The following CLINT1 variants were observed in gnomAD, a reference collection of about 807,000 sequenced individuals.
The protein encoded by CLINT1 is clathrin interacting protein localized in the trans-Golgi region.
CLINT1 carries 15 observed loss-of-function variants against 70.4 expected under a neutral mutation model. The observed-to-expected ratio is 0.21, with a 90% confidence interval of 0.14 to 0.33. The LOEUF (loss-of-function observed/expected upper bound fraction) is 0.33, where lower values mean the gene tolerates loss of function less well. Among genes scored for constraint, CLINT1 ranks in the 10% least tolerant of loss-of-function variants. The pLI is 1.00. For missense variants in CLINT1, 615 were observed against 778.1 expected (o/e 0.79, Z 2.49); for synonymous variants, 227 against 254.7 (o/e 0.89, Z 1.04).
At chr5:157,818,972 G>T (rs1007124091) in intron 1 of CLINT1, among the ~76,000 whole-genome samples, 4 of 152,088 alleles carry the variant, frequency 2.6e-5, no homozygotes, top group African/African-American at 9.7e-5. Context: ...TTAAGTCTTA[G>T]AAATAGTGAA....
At chr5:157,839,771 A>G (rs1437316405) in intron 1 of CLINT1, among the ~76,000 whole-genome samples, 1 of 138,170 alleles carries the variant, frequency 7.2e-6, no homozygotes, top group Non-Finnish European at 1.6e-5. Flanking sequence ...ATCTATACAT[A>G]TAATCAACTG....
Position 157,813,045 on chromosome 5 carries a change from C to T in CLINT1, c.517+18G>A. Reference sequence around the variant, plus strand: ...AGCTAAGCTGATGCTTAGGTGTCAGCTTGTCTTTGATACTCACTGTATCTG... The same window carrying T: ...AGCTAAGCTGATGCTTAGGTGTCAGTTTGTCTTTGATACTCACTGTATCTG... On this transcript the variant is annotated intron_variant, in intron 5 of 11. Transcript: ENST00000411809. 1 of 1,608,146 alleles carries T rather than the reference C, an allele frequency of 6.2e-7. No individual in the cohort carries two copies.
At chr5:157,812,812 T>C (rs1762603859) in intron 5 of CLINT1, among the ~76,000 whole-genome samples, 1 of 152,346 alleles carries the variant, frequency 6.6e-6, no homozygotes, top group South Asian at 2.1e-4. Flanking sequence ...TTAATCTCTG[T>C]ATGACACCTC....
chr5:157,813,321 A>G (rs1040368512), intron 4 of CLINT1, 94 bp from the exon 5 acceptor site: 2 of 1,130,064 alleles, frequency 1.8e-6, no homozygotes, highest in South Asian at 1.9e-5. Flanking sequence ...AAACTTCAAC[A>G]TAAGAAACTT....
At chr5:157,851,992 A>G (rs1211496598) in intron 1 of CLINT1, among the ~76,000 whole-genome samples, 5 of 152,334 alleles carry the variant, frequency 3.3e-5, no homozygotes, top group African/African-American at 9.6e-5. Context: ...CTTTCCTTGT[A>G]TATACTGTTT....
chr5:157,826,879 TATAA>T lies in CLINT1; in HGVS notation c.42-9336_42-9333del, dbSNP rs546122461. Among the ~76,000 whole-genome samples the T allele has an allele frequency of 1.3e-4, 20 of 152,320 alleles. No homozygotes were observed. In the East Asian group the frequency reaches 3.3e-3, roughly 25 times the overall value. ...AATATCCAGTACAGATTGTCAGTAT[TATAA>T]ATAGTCTTTATCTAAAAATTTCAAG... On this transcript the variant is annotated intron_variant, in intron 1 of 11. Coordinates refer to ENST00000411809, the MANE Select transcript of CLINT1 (RefSeq NM_014666.4).
chr5:157,836,983 C>T (rs1306223988), intron 1 of CLINT1, among the ~76,000 whole-genome samples: 1 of 152,172 alleles, frequency 6.6e-6, no homozygotes, highest in Non-Finnish European at 1.5e-5. Flanking sequence ...TCAATAAATA[C>T]TCATTATATT....
intron 1 of CLINT1, among the ~76,000 whole-genome samples, chr5:157,837,732 C>T (rs535771138): frequency 6.6e-6 from 1 of 150,390 alleles, no homozygotes; most frequent in Admixed American, 6.7e-5. Flanking sequence ...CAACCTCCAC[C>T]TCCCAGGTTC....
At chr5:157,840,863 G>A (rs529618266) in intron 1 of CLINT1, among the ~76,000 whole-genome samples, 1 of 152,084 alleles carries the variant, frequency 6.6e-6, no homozygotes, top group East Asian at 1.9e-4. Context: ...GAGCAACACA[G>A]CGAGACCCCA....
At chr5:157,792,534 C>A (rs147007940) in intron 9 of CLINT1, among the ~76,000 whole-genome samples, 1 of 151,932 alleles carries the variant, frequency 6.6e-6, no homozygotes, top group Non-Finnish European at 1.5e-5. Context: ...GGTGACAGAG[C>A]GAGACTCCGT....
At chr5:157,788,968 GA>G (rs58634730) in intron 11 of CLINT1, among the ~76,000 whole-genome samples, 34,149 of 94,052 alleles carry the variant, frequency 0.36, 3,225 homozygotes, top group Admixed American at 0.43. Flanking sequence ...CTCCATCTCA[GA>G]AAAAAAAAAA....
At chr5:157,841,005 C>G (rs993664314) in intron 1 of CLINT1, among the ~76,000 whole-genome samples, 7 of 152,122 alleles carry the variant, frequency 4.6e-5, no homozygotes, top group Non-Finnish European at 7.4e-5. Flanking sequence ...TTCACACATG[C>G]AATCCCAGCA....
intron 8 of CLINT1, 178 bp from the exon 9 acceptor site, chr5:157,795,150 C>G (rs577570170): frequency 1.3e-5 from 8 of 601,148 alleles, no homozygotes; most frequent in African/African-American, 9.3e-5. Context: ...TATGAGCTAC[C>G]ATAGACTCTT....
chr5:157,832,526 C>T (rs1763280309), intron 1 of CLINT1, among the ~76,000 whole-genome samples: 1 of 152,202 alleles, frequency 6.6e-6, no homozygotes, highest in African/African-American at 2.4e-5. Context: ...CTTAAGAATA[C>T]TGACACTTCT....
intron 11 of CLINT1, among the ~76,000 whole-genome samples, chr5:157,788,323 G>T (rs1321520629): frequency 1.3e-5 from 2 of 151,762 alleles, no homozygotes; most frequent in Non-Finnish European, 2.9e-5. Context: ...TCTTTCAAAG[G>T]TTTACATCCT....
intron 5 of CLINT1, among the ~76,000 whole-genome samples, chr5:157,811,430 G>T (rs993947827): frequency 1.3e-5 from 2 of 151,856 alleles, no homozygotes; most frequent in African/African-American, 4.8e-5. Context: ...CTTCTTGGGA[G>T]GATGAGGCAG....
chr5:157,852,540 T>G (rs1458865336), intron 1 of CLINT1, among the ~76,000 whole-genome samples: 1 of 152,236 alleles, frequency 6.6e-6, no homozygotes, highest in Non-Finnish European at 1.5e-5. Flanking sequence ...TACTGTTTTG[T>G]GTGTAACAGT....
chr5:157,839,960 C>T lies in CLINT1; in HGVS notation c.41+18970G>A, dbSNP rs185779080. ...AAAGAGGAGGTCGGGCACCATGGCT[C>T]ACTCCTAGCACTTTGGGAGGCCAAG... On this transcript the variant is annotated intron_variant, in intron 1 of 11. Transcript: ENST00000411809. Among the ~76,000 whole-genome samples, 783 of 151,968 alleles carry T rather than the reference C, an allele frequency of 5.2e-3. 9 individuals carry two copies. Among genetic ancestry groups the T allele is most frequent in the African/African-American group, 0.017 (719 of 41,430 alleles).
At chr5:157,811,529 C>CAAA (rs202176248) in intron 5 of CLINT1, among the ~76,000 whole-genome samples, 3 of 95,010 alleles carry the variant, frequency 3.2e-5, no homozygotes, top group Admixed American at 1.2e-4. Context: ...CAAGAATCCT[C>CAAA]AAAAAAAAAA....
Sources: allele counts gnomAD v4.1 joint callset (sites outside exome capture counted in the v4.1 genomes callset), GRCh38; gene constraint gnomAD v4.1.1; transcripts MANE v1.5; gene names NCBI Gene and HGNC (gene_info 2026-07-23, HGNC 2026-07-21).